DDR2: variants seen among roughly 807,000 people sequenced by gnomAD.
DDR2 encodes the protein discoidin domain-containing receptor 2.
Under a neutral mutation model 94.9 loss-of-function variants are expected in DDR2, and 27 were observed. The observed-to-expected ratio is 0.28, with a 90% confidence interval of 0.21 to 0.39. The LOEUF is 0.39. Ranked by LOEUF, DDR2 falls within the 10% of genes least tolerant of loss-of-function variation. The probability of loss-of-function intolerance (pLI) is 1.00; values close to 1 mark genes in which losing one functional copy is unlikely to be tolerated. For missense variants in DDR2, 783 were observed against 1,076.0 expected, an observed-to-expected ratio of 0.73 and a Z score of 3.81; for synonymous variants, 382 against 377.2, an observed-to-expected ratio of 1.01 and a Z score of -0.15.
In DDR2 at chr1:162,770,432, T is replaced by G. The variant is rs760125766; in HGVS notation, c.1424T>G (p.Phe475Cys). Residue 475 changes from phenylalanine (F) to cysteine (C), a missense_variant, in exon 12 of 18, where the codon TTT becomes TGT. By Grantham distance (205) the Phe-to-Cys change is radical (BLOSUM62 -2). This residue lies in a region of DDR2 where 519 missense variants were observed against 647.9 expected (regional missense o/e 0.80). Transcript: ENST00000367921. The stretch of plus-strand genomic sequence containing the variant: ...TCCAACTCGACTTACGATCGCATCT[T>G]TCCCCTTCGCCCTGACTACCAGGAG... The part of the protein sequence containing the change: ...QGSNSTYDRI[F>C]PLRPDYQEPS... The G allele has an allele frequency of 6.2e-7, 1 of 1,614,116 alleles. No homozygotes were observed. Among genetic ancestry groups the G allele is most frequent in the South Asian group, 1.1e-5 (1 of 91,074 alleles).
intron 2 of DDR2, among the ~76,000 whole-genome samples, chr1:162,668,932 A>T (rs1489907391): frequency 6.6e-6 from 1 of 152,212 alleles, no homozygotes; most frequent in Non-Finnish European, 1.5e-5. Flanking sequence ...GAGAGATTTG[A>T]CTTAGGCGCA....
intron 2 of DDR2, among the ~76,000 whole-genome samples, chr1:162,666,955 A>T (rs1658606172): frequency 6.7e-6 from 1 of 148,466 alleles, no homozygotes. Context: ...CAAACTCATA[A>T]ATATATATAT....
intron 1 of DDR2, among the ~76,000 whole-genome samples, chr1:162,654,739 A>G (rs890281872): frequency 6.6e-6 from 1 of 152,106 alleles, no homozygotes; most frequent in African/African-American, 2.4e-5. Flanking sequence ...TCATTCTCTC[A>G]CGAGTGTACG....
At chr1:162,727,746 GA>G (rs879500827) in intron 3 of DDR2, among the ~76,000 whole-genome samples, 37 of 145,544 alleles carry the variant, frequency 2.5e-4, no homozygotes, top group African/African-American at 8.5e-4. Context: ...GAAGCAGGAA[GA>G]AAAAAAAAGT....
At chr1:162,757,784 G>T (rs1663530812) in intron 7 of DDR2, among the ~76,000 whole-genome samples, 1 of 152,064 alleles carries the variant, frequency 6.6e-6, no homozygotes, top group South Asian at 2.1e-4. Flanking sequence ...CAAGTAAAAA[G>T]AATTAATGAC....
At chr1:162,659,479 G>A (rs1368068223) in intron 2 of DDR2, among the ~76,000 whole-genome samples, 1 of 152,130 alleles carries the variant, frequency 6.6e-6, no homozygotes, top group Non-Finnish European at 1.5e-5. Context: ...GGTAGGAAAC[G>A]GCTGTCTACT....
Position 162,709,678 on chromosome 1 carries a change from C to T in DDR2, c.-27-9359C>T, listed in dbSNP as rs144497960. Among the ~76,000 whole-genome samples the T allele has an allele frequency of 2.9e-4, 44 of 152,310 alleles. 1 individual carries two copies. The East Asian group carries it at 8.5e-3, about 29-fold the overall frequency. ...CCTTCTGCTCACCAGCACATGCTTC[C>T]AAGGGCTGCGGAGCCTGGGACAGAA... On this transcript the variant is annotated intron_variant, in intron 2 of 17. Transcript: ENST00000367921.
chr1:162,752,957 A>G (rs1199596088), intron 3 of DDR2, 138 bp from the exon 4 acceptor site: 1 of 731,658 alleles, frequency 1.4e-6, no homozygotes, highest in African/African-American at 1.8e-5. Context: ...GGGTGATCAA[A>G]CTGGGGCCAT....
Position 162,659,909 on chromosome 1 carries a change from G to A in DDR2, c.-28+4535G>A, listed in dbSNP as rs185775948. ...CTGTCAGAGCAGATTTGGGCTGCTAGGTAGAATCTTATTTTCACTGTTTCA... is the reference window on the plus strand; with the variant it reads ...CTGTCAGAGCAGATTTGGGCTGCTAAGTAGAATCTTATTTTCACTGTTTCA... On this transcript the variant is annotated intron_variant, in intron 2 of 17. Coordinates refer to ENST00000367921, the MANE Select transcript of DDR2 (RefSeq NM_006182.4). Among the ~76,000 whole-genome samples the A allele has an allele frequency of 4.2e-4, 64 of 152,242 alleles. 1 individual carries two copies. The highest frequency in any genetic ancestry group is 5.2e-4 in the Admixed American group (8 of 15,286).
chr1:162,718,984 A>G (rs1056920822), intron 2 of DDR2, 53 bp from the exon 3 acceptor site: 1 of 1,543,476 alleles, frequency 6.5e-7, no homozygotes, highest in African/African-American at 1.4e-5. Flanking sequence ...TATCTGCCTC[A>G]CTCATTTCCT....
intron 2 of DDR2, among the ~76,000 whole-genome samples, chr1:162,685,589 G>A (rs1000742759): frequency 6.6e-6 from 1 of 151,488 alleles, no homozygotes; most frequent in African/African-American, 2.4e-5. Context: ...ATTCTTACCT[G>A]CACACTGAGG....
intron 2 of DDR2, among the ~76,000 whole-genome samples, chr1:162,700,253 A>G (rs16843630): frequency 0.13 from 20,490 of 152,096 alleles, 1,389 homozygotes; most frequent in East Asian, 0.17. Flanking sequence ...TACTGGCAAC[A>G]CCATCTTTTG....
chr1:162,658,260 T>C (rs1049570392), intron 2 of DDR2, among the ~76,000 whole-genome samples: 1 of 152,040 alleles, frequency 6.6e-6, no homozygotes, highest in African/African-American at 2.4e-5. Context: ...GGCTGGGCCA[T>C]TGGAGGTGGG....
intron 2 of DDR2, among the ~76,000 whole-genome samples, chr1:162,688,643 G>A (rs763697031): frequency 6.6e-6 from 1 of 152,206 alleles, no homozygotes; most frequent in Non-Finnish European, 1.5e-5. Context: ...ACTTGTGTGT[G>A]GGTTATGAAT....
Position 162,633,646 on chromosome 1 carries a change from C to T in DDR2, c.-192+1015C>T, listed in dbSNP as rs538632201. ...CCACTCCATACCTCTGCTTTCATTT[C>T]CTTTTTAAGGCTTATTCTGGCTGAG... On this transcript the variant is annotated intron_variant, in intron 1 of 17. Transcript: ENST00000367921. 3.9e-5 allele frequency among the ~76,000 whole-genome samples: 6 copies of T among 152,312 alleles called. No individual in the cohort carries two copies. In the South Asian group the frequency reaches 1.2e-3, roughly 32 times the overall value.
rs958394700 is a variant in DDR2, at chr1:162,770,429, T to C, written c.1421T>C (p.Ile474Thr). The change falls in exon 12 of 18, where the codon ATC becomes ACC. Residue 474 changes from isoleucine to threonine, a missense_variant. Transcript: ENST00000367921. ...GGGTCCAACTCGACTTACGATCGCA[T>C]CTTTCCCCTTCGCCCTGACTACCAG... ...EQGSNSTYDR[I>T]FPLRPDYQEP... 1.2e-6 allele frequency: 2 copies of C among 1,614,110 alleles called. No individual in the cohort carries two copies. Among genetic ancestry groups the C allele is most frequent in the Admixed American group, 1.7e-5 (1 of 60,008 alleles).
chr1:162,690,857 T>C (rs953946442), intron 2 of DDR2, among the ~76,000 whole-genome samples: 1 of 152,240 alleles, frequency 6.6e-6, no homozygotes, highest in African/African-American at 2.4e-5. Context: ...ATGGGAATAG[T>C]ATTCTTGCTC....
rs1663372305 is a variant in DDR2, at chr1:162,754,715, A to T, written c.277A>T (p.Thr93Ser). The change falls in exon 5 of 18, where the codon ACC (threonine) becomes TCC (serine). Residue 93 changes from threonine (T) to serine (S), a missense_variant. This residue lies in a region of DDR2 where 519 missense variants were observed against 647.9 expected (regional missense o/e 0.80). Transcript: ENST00000367921. ...LKEFLQIDLH[T>S]LHFITLVGTQ... is the part of the protein sequence containing the mutation. ...GGAGTTTCTGCAGATTGACTTGCAC[A>T]CCCTCCATTTTATCACTCTGGTGGG... The T allele has an allele frequency of 6.2e-7, 1 of 1,613,654 alleles. No homozygotes were observed. The highest frequency in any genetic ancestry group is 1.7e-5 in the Admixed American group (1 of 59,942).
rs146954529 is a variant in DDR2, at chr1:162,679,397, T to G, written c.-28+24023T>G. 4.2e-3 allele frequency among the ~76,000 whole-genome samples: 637 copies of G among 152,350 alleles called. 1 individual carries two copies. The highest frequency in any genetic ancestry group is 7.3e-3 in the Non-Finnish European group (498 of 68,038). On this transcript the variant is annotated intron_variant, in intron 2 of 17. Transcript: ENST00000367921. The stretch of plus-strand genomic sequence containing the variant: ...AAATTTTCAGAGACACAGATGACCA[T>G]CATATTTTTAAGTCAAGAACTCAGT...
Sources: allele counts gnomAD v4.1 joint callset (sites outside exome capture counted in the v4.1 genomes callset), GRCh38; gene constraint gnomAD v4.1.1; regional missense constraint gnomAD v4.1.1; transcripts MANE v1.5; gene names NCBI Gene and HGNC (gene_info 2026-07-23, HGNC 2026-07-21).